The following OGFRL1 variants were observed in gnomAD, a reference collection of about 807,000 sequenced individuals.
OGFRL1 encodes opioid growth factor receptor like 1, also known as opioid growth factor receptor-like protein 1.
OGFRL1 carries 26 observed loss-of-function variants against 32.4 expected under a neutral mutation model. That is an observed-to-expected ratio of 0.80 (90% CI 0.59 to 1.11). The LOEUF is 1.11. OGFRL1 is among the 50% of genes most tolerant of loss of function. OGFRL1 has a pLI of 0.00. For missense variants in OGFRL1, 521 were observed against 546.4 expected, an observed-to-expected ratio of 0.95 and a Z score of 0.46; for synonymous variants, 211 against 201.2, an observed-to-expected ratio of 1.05 and a Z score of -0.41.
rs1766597554 is a variant in OGFRL1, at chr6:71,307,744, G to A, written c.*5695G>A. 6.6e-6 allele frequency: 1 copy of A among 152,104 alleles called. No individual in the cohort carries two copies. Among genetic ancestry groups the A allele is most frequent in the Non-Finnish European group, 1.5e-5 (1 of 68,032 alleles). The allele number at this position is 152,104 out of a possible 1,614,324, so 9.4% of individuals were successfully genotyped here. The stretch of plus-strand genomic sequence containing the variant: ...GATATATAATAAGTTTTGGTACTAA[G>A]AAACATTTACATTCTACACTCATTA... On this transcript the variant is annotated 3_prime_UTR_variant, in exon 7 of 7. Transcript: ENST00000370435.
Position 71,299,532 on chromosome 6 carries a change from G to A in OGFRL1, c.693-1854G>A, listed in dbSNP as rs188076015. The stretch of plus-strand genomic sequence containing the variant: ...TTAACTTCAGCATTCATCTAAGATT[G>A]GCTATATAAAATTGAGCTGGTTGCA... On this transcript the variant is annotated intron_variant, in intron 6 of 6. Transcript: ENST00000370435. Among the ~76,000 whole-genome samples, 5 of 152,178 alleles carry A rather than the reference G, an allele frequency of 3.3e-5. No individual in the cohort carries two copies. In the East Asian group the frequency reaches 9.7e-4, roughly 29 times the overall value.
chr6:71,307,256 GAT>G lies in OGFRL1; in HGVS notation c.*5208_*5209del, dbSNP rs1766580456. 1.3e-5 allele frequency: 2 copies of G among 152,226 alleles called. No homozygotes were observed. The highest frequency in any genetic ancestry group is 4.8e-5 in the African/African-American group (2 of 41,456). The allele number at this position is 152,226 out of a possible 1,614,324, so 9.4% of individuals were successfully genotyped here. On this transcript the variant is annotated 3_prime_UTR_variant, in exon 7 of 7. Coordinates refer to ENST00000370435, the MANE Select transcript of OGFRL1 (RefSeq NM_024576.5). ...GGGCTCCAGCCTTCTCCACTGGCAT[GAT>G]GGGTCCTCAGATTCTCCTCTGGATA...
rs956991553 is a variant in OGFRL1, at chr6:71,307,377, A to T, written c.*5328A>T. The T allele has an allele frequency of 6.6e-6, 1 of 152,152 alleles. No homozygotes were observed. Among genetic ancestry groups the T allele is most frequent in the Non-Finnish European group, 1.5e-5 (1 of 68,030 alleles). 9.4% of individuals were successfully genotyped at this position (152,152 alleles called of 1,614,324 possible). A position where few individuals can be genotyped will look rare whatever the true frequency, so the allele number is the denominator to read the frequency against. ...TTTTGATGGGTATCAGTTCTCATAA[A>T]ATACCTGCTACAATTTATTTATTTT... On this transcript the variant is annotated 3_prime_UTR_variant, in exon 7 of 7. Transcript: ENST00000370435.
Position 71,289,022 on chromosome 6 carries a change from C to G in OGFRL1, c.86C>G (p.Pro29Arg), listed in dbSNP as rs1765948931. The change falls in exon 1 of 7, where the codon CCC becomes CGC. Residue 29 changes from proline to arginine, a missense_variant. Pro to Arg is a moderately radical substitution (Grantham distance 103). Transcript: ENST00000370435. ...TCCACCTGGCAGACCGACTCGGAGC[C>G]CGAGCCCGAAGAACCAGGGCCGGGC... ...CDSTWQTDSE[P>R]EPEEPGPGGG... The G allele has an allele frequency of 7.4e-7, 1 of 1,356,264 alleles. No individual in the cohort carries two copies. The highest frequency in any genetic ancestry group is 1.5e-5 in the African/African-American group (1 of 65,072). 84.0% of individuals were successfully genotyped at this position (1,356,264 alleles called of 1,614,324 possible).
At position 71,304,961 on chromosome 6, in the gene OGFRL1, T is replaced by C. The variant is rs144542508; in HGVS notation, c.*2912T>C. The C allele has an allele frequency of 7.2e-3, 1,096 of 152,162 alleles. 9 individuals are homozygous for C. The highest frequency in any genetic ancestry group is 0.025 in the African/African-American group (1,051 of 41,558). The allele number at this position is 152,162 out of a possible 1,614,324, so 9.4% of individuals were successfully genotyped here. ...ATATTAGTTTTTTAAATAAGATCTA[T>C]AGATATGTATTTATGTGTGTCTTAT... is the stretch of plus-strand genomic sequence containing the variant. On this transcript the variant is annotated 3_prime_UTR_variant, in exon 7 of 7. Transcript: ENST00000370435.
intron 1 of OGFRL1, chr6:71,289,400 C>A (rs1478133905): frequency 1.1e-5 from 11 of 984,908 alleles, no homozygotes; most frequent in Non-Finnish European, 1.3e-5. Context: ...TGGCCGAGGG[C>A]ACGGCGAGGA....
chr6:71,296,252 C>G (rs1382356429), intron 3 of OGFRL1, 65 bp from the exon 4 acceptor site: 3 of 1,094,804 alleles, frequency 2.7e-6, no homozygotes, highest in Admixed American at 2.1e-5. Context: ...TCAAGTGATT[C>G]GAATCTTAAA....
chr6:71,300,044 A>G (rs1255751354), intron 6 of OGFRL1, among the ~76,000 whole-genome samples: 1 of 152,224 alleles, frequency 6.6e-6, no homozygotes, highest in African/African-American at 2.4e-5. Flanking sequence ...ATTCATCAAC[A>G]TCTTTCTCCC....
intron 1 of OGFRL1, chr6:71,289,398 G>A: frequency 1.0e-6 from 1 of 984,928 alleles, no homozygotes; most frequent in Non-Finnish European, 1.2e-6. Context: ...CCTGGCCGAG[G>A]GCACGGCGAG....
In OGFRL1 at chr6:71,296,483, T is replaced by A. The variant is rs181965837; in HGVS notation, c.480-12T>A. The A allele has an allele frequency of 2.0e-3, 3,270 of 1,598,666 alleles. 3 individuals are homozygous for A. The highest frequency in any genetic ancestry group is 2.7e-3 in the Non-Finnish European group (3,148 of 1,172,064). On this transcript the variant is annotated splice_polypyrimidine_tract_variant and intron_variant, in intron 4 of 6. Coordinates refer to ENST00000370435, the MANE Select transcript of OGFRL1 (RefSeq NM_024576.5). The stretch of plus-strand genomic sequence containing the variant: ...CGTTAATAGAAAAATTTTATTTTTT[T>A]AAAATAAATAGGCTTTTCCCCCTGA...
In OGFRL1 at chr6:71,308,431, A is replaced by C. The variant is rs1486344227; in HGVS notation, c.*6382A>C. The C allele has an allele frequency of 1.3e-5, 2 of 152,202 alleles. No individual in the cohort carries two copies. Among genetic ancestry groups the C allele is most frequent in the African/African-American group, 4.8e-5 (2 of 41,454 alleles). The allele number at this position is 152,202 out of a possible 1,614,324, so 9.4% of individuals were successfully genotyped here. ...TCTAAGAAGGATGGTAGATTATGTC[A>C]TTTTGGAAACTATTGTGTCCCTTGT... On this transcript the variant is annotated 3_prime_UTR_variant, in exon 7 of 7. Coordinates refer to ENST00000370435, the MANE Select transcript of OGFRL1 (RefSeq NM_024576.5).
At chr6:71,289,492 G>T in intron 1 of OGFRL1, 1 of 981,226 alleles carries the variant, frequency 1.0e-6, no homozygotes. Context: ...GGTGGGGTGG[G>T]AGGAACCTGT....
intron 3 of OGFRL1, among the ~76,000 whole-genome samples, chr6:71,294,268 C>T (rs1225269370): frequency 6.6e-6 from 1 of 152,054 alleles, no homozygotes; most frequent in Non-Finnish European, 1.5e-5. Context: ...TTGCATATTT[C>T]ATTGAGGCAT....
chr6:71,297,612 A>G (rs1766251397), intron 6 of OGFRL1, among the ~76,000 whole-genome samples: 1 of 152,090 alleles, frequency 6.6e-6, no homozygotes, highest in Non-Finnish European at 1.5e-5. Flanking sequence ...CACCAGCTTT[A>G]AAGTACTTTT....
At chr6:71,296,134 T>A (rs535752415) in intron 3 of OGFRL1, among the ~76,000 whole-genome samples, 183 bp from the exon 4 acceptor site, 50 of 152,346 alleles carry the variant, frequency 3.3e-4, no homozygotes, top group African/African-American at 1.2e-3. Context: ...TAATTTTTTT[T>A]AATTAGATTT....
intron 1 of OGFRL1, chr6:71,289,548 TAAAAAAAAAA>T (rs1158690810): frequency 0.03 from 16,399 of 539,512 alleles, 80 homozygotes; most frequent in Non-Finnish European, 0.032. Flanking sequence ...GTGTTATTGG[TAAAAAAAAAA>T]AAAAAAAAAA....
chr6:71,290,217 G>A (rs1270371557), intron 1 of OGFRL1, among the ~76,000 whole-genome samples: 5 of 152,132 alleles, frequency 3.3e-5, no homozygotes, highest in African/African-American at 1.2e-4. Flanking sequence ...GGCTTAGAGA[G>A]AAAGGAAAAC....
chr6:71,301,754 C>T lies in OGFRL1; in HGVS notation c.1061C>T (p.Ser354Leu). Residue 354 changes from serine (S) to leucine (L), a missense_variant, in exon 7 of 7, where the codon TCA becomes TTA. Coordinates refer to ENST00000370435, the MANE Select transcript of OGFRL1 (RefSeq NM_024576.5). The part of the protein sequence containing the change: ...KKAKDSKNSS[S>L]AVHLNSKTAE... ...GCCAAGGACTCCAAAAATTCCTCCT[C>T]AGCTGTTCATTTAAATAGCAAAACA... 1 of 1,613,984 alleles carries T rather than the reference C, an allele frequency of 6.2e-7. No individual in the cohort carries two copies. The highest frequency in any genetic ancestry group is 2.2e-5 in the East Asian group (1 of 44,884).
In OGFRL1 at chr6:71,308,206, A is replaced by C. The variant is rs1019529518; in HGVS notation, c.*6157A>C. 13 of 152,228 alleles carry C rather than the reference A, an allele frequency of 8.5e-5. No individual in the cohort carries two copies. The highest frequency in any genetic ancestry group is 2.9e-4 in the African/African-American group (12 of 41,458). The allele number at this position is 152,228 out of a possible 1,614,324, so 9.4% of individuals were successfully genotyped here. A position where few individuals can be genotyped will look rare whatever the true frequency, so the allele number is the denominator to read the frequency against. ...TGATGGTCTGGCTGCAGATAAGAGA[A>C]AGACTCAGTGATAGGTGGTTTGTGA... On this transcript the variant is annotated 3_prime_UTR_variant, in exon 7 of 7. Transcript: ENST00000370435.
Sources: gnomAD v4.1 joint callset for allele counts (sites outside exome capture counted in the v4.1 genomes callset) on GRCh38, gnomAD v4.1.1 for gene constraint, MANE v1.5 for transcripts, NCBI Gene and HGNC (gene_info 2026-07-23, HGNC 2026-07-21) for gene names.